Variants in TRPM3 observed in about 807,000 individuals in gnomAD.
TRPM3 encodes the protein transient receptor potential cation channel subfamily M member 3, also known as long transient receptor potential channel 3.
A neutral mutation model predicts 181.2 loss-of-function variants in TRPM3; 77 were observed. The ratio of observed to expected loss-of-function variants is 0.42; its 90% CI spans 0.35 to 0.51. TRPM3 has a LOEUF of 0.51. TRPM3 is among the 20% of genes least tolerant of loss of function. The probability of loss-of-function intolerance (pLI) is 0.01; values close to 1 mark genes in which losing one functional copy is unlikely to be tolerated. For missense variants in TRPM3, 1,759 were observed against 2,196.7 expected, an observed-to-expected ratio of 0.80 and a Z score of 3.98; for synonymous variants, 745 against 796.4, an observed-to-expected ratio of 0.94 and a Z score of 1.09.
intron 1 of TRPM3, among the ~76,000 whole-genome samples, chr9:71,342,331 A>G (rs990101950): frequency 9.3e-5 from 14 of 150,054 alleles, no homozygotes; most frequent in Middle Eastern, 7.0e-3. Context: ...CTTTATCCTG[A>G]AAACACACTT....
intron 1 of TRPM3, among the ~76,000 whole-genome samples, chr9:71,244,368 G>C (rs1235877535): frequency 2.6e-5 from 4 of 152,148 alleles, no homozygotes; most frequent in Non-Finnish European, 5.9e-5. Context: ...AGCCTCAAAT[G>C]AGTGAGTGGC....
chr9:70,867,032 C>G (rs567203733), intron 1 of TRPM3, among the ~76,000 whole-genome samples: 2 of 152,100 alleles, frequency 1.3e-5, no homozygotes, highest in African/African-American at 4.8e-5. Flanking sequence ...TAAGCATGCC[C>G]AGGAGTATCC....
chr9:70,663,931 T>A (rs1042536650), intron 9 of TRPM3, among the ~76,000 whole-genome samples: 1 of 152,120 alleles, frequency 6.6e-6, no homozygotes, highest in Non-Finnish European at 1.5e-5. Flanking sequence ...CTGGAGAAAA[T>A]TACTTAACCT....
chr9:70,912,956 C>T (rs767021423), intron 1 of TRPM3, among the ~76,000 whole-genome samples: 1 of 152,152 alleles, frequency 6.6e-6, no homozygotes, highest in South Asian at 2.1e-4. Context: ...TCGTTCCCAA[C>T]AGTTTTCTCC....
At chr9:70,699,755 G>A (rs1225822715) in intron 8 of TRPM3, among the ~76,000 whole-genome samples, 1 of 152,176 alleles carries the variant, frequency 6.6e-6, no homozygotes, top group Non-Finnish European at 1.5e-5. Context: ...GATTGGAGGT[G>A]GGGCCCAGCT....
intron 1 of TRPM3, among the ~76,000 whole-genome samples, chr9:71,312,769 G>A (rs1002390391): frequency 2.0e-5 from 3 of 152,102 alleles, no homozygotes; most frequent in African/African-American, 7.2e-5. Context: ...AAACTTAAGT[G>A]CATATTATTG....
At chr9:71,267,602 A>T (rs1025706876) in intron 1 of TRPM3, among the ~76,000 whole-genome samples, 67 of 152,138 alleles carry the variant, frequency 4.4e-4, no homozygotes, top group African/African-American at 1.5e-3. Context: ...AGAATACCTA[A>T]AACTCCACAG....
intron 1 of TRPM3, among the ~76,000 whole-genome samples, chr9:71,352,130 C>T (rs1396262001): frequency 6.6e-6 from 1 of 152,130 alleles, no homozygotes; most frequent in Admixed American, 6.5e-5. Flanking sequence ...CCACCTCAGC[C>T]TCCCAAAGTG....
intron 1 of TRPM3, among the ~76,000 whole-genome samples, chr9:70,933,672 T>C (rs2096796368): frequency 6.6e-6 from 1 of 151,946 alleles, no homozygotes; most frequent in African/African-American, 2.4e-5. Context: ...GATAGAGTCA[T>C]AGCTGAAGGG....
intron 1 of TRPM3, among the ~76,000 whole-genome samples, chr9:71,320,032 GGAA>G (rs2089050463): frequency 6.6e-6 from 1 of 152,070 alleles, no homozygotes; most frequent in South Asian, 2.1e-4. Flanking sequence ...AAAAGCTTTT[GGAA>G]GAAGATGGGA....
intron 1 of TRPM3, among the ~76,000 whole-genome samples, chr9:71,113,805 G>A (rs2071689124): frequency 6.6e-6 from 1 of 152,200 alleles, no homozygotes; most frequent in Non-Finnish European, 1.5e-5. Context: ...GGTCATGCCA[G>A]AGCCTAATTT....
chr9:70,755,724 A>C (rs2076963994), intron 8 of TRPM3, among the ~76,000 whole-genome samples: 3 of 152,168 alleles, frequency 2.0e-5, no homozygotes. Flanking sequence ...AGCCAAACTA[A>C]GCTTCACAAG....
At chr9:71,088,781 T>C (rs1391931378) in intron 1 of TRPM3, among the ~76,000 whole-genome samples, 7 of 151,806 alleles carry the variant, frequency 4.6e-5, no homozygotes, top group African/African-American at 1.4e-4. Flanking sequence ...AAACTTTCCT[T>C]TTTTTGAAAG....
chr9:71,393,115 G>A (rs2093102752), intron 1 of TRPM3, among the ~76,000 whole-genome samples: 1 of 152,106 alleles, frequency 6.6e-6, no homozygotes, highest in Non-Finnish European at 1.5e-5. Flanking sequence ...GCAGTTTTGA[G>A]TCTAAGGGGA....
intron 1 of TRPM3, among the ~76,000 whole-genome samples, chr9:71,107,468 T>C (rs1410297491): frequency 1.3e-5 from 2 of 152,182 alleles, no homozygotes; most frequent in African/African-American, 4.8e-5. Flanking sequence ...TCAAGTTATA[T>C]TGTTATTTCC....
intron 1 of TRPM3, among the ~76,000 whole-genome samples, chr9:71,335,501 G>C (rs766384426): frequency 6.6e-6 from 1 of 151,972 alleles, no homozygotes; most frequent in Non-Finnish European, 1.5e-5. Flanking sequence ...TATACATACT[G>C]AACACTTTAA....
At chr9:71,260,586 G>T (rs2082976516) in intron 1 of TRPM3, among the ~76,000 whole-genome samples, 1 of 152,144 alleles carries the variant, frequency 6.6e-6, no homozygotes, top group African/African-American at 2.4e-5. Context: ...TCCTTAAAGA[G>T]ATCCTTCACA....
chr9:71,029,379 T>C (rs2057000964), intron 1 of TRPM3, among the ~76,000 whole-genome samples: 1 of 152,188 alleles, frequency 6.6e-6, no homozygotes, highest in Non-Finnish European at 1.5e-5. Context: ...AATGGAGGAA[T>C]TATTTAATAT....
intron 1 of TRPM3, among the ~76,000 whole-genome samples, chr9:71,438,239 T>C (rs977014791): frequency 2.6e-5 from 4 of 152,078 alleles, no homozygotes; most frequent in African/African-American, 9.7e-5. Context: ...AAAAGGAAAA[T>C]TATAATGTGT....
Sources: allele counts gnomAD v4.1 joint callset (sites outside exome capture counted in the v4.1 genomes callset), GRCh38; gene constraint gnomAD v4.1.1; transcripts MANE v1.5; gene names NCBI Gene and HGNC (gene_info 2026-07-23, HGNC 2026-07-21).